The following PDE9A variants were observed in gnomAD, a reference collection of about 807,000 sequenced individuals.
PDE9A encodes high affinity cGMP-specific 3',5'-cyclic phosphodiesterase 9A.
A neutral mutation model predicts 87.4 loss-of-function variants in PDE9A; 60 were observed. The observed-to-expected ratio is 0.69, with a 90% CI of 0.56 to 0.85. PDE9A has a LOEUF of 0.85. Ranked by LOEUF, PDE9A falls within the 40% of genes least tolerant of loss-of-function variation. The pLI is 0.00. For missense variants in PDE9A, 665 were observed against 779.0 expected (o/e 0.85, Z 1.74); for synonymous variants, 272 against 279.4 (o/e 0.97, Z 0.27).
intron 15 of PDE9A, among the ~76,000 whole-genome samples, chr21:42,767,723 G>A (rs376568113): frequency 1.1e-4 from 16 of 152,296 alleles, no homozygotes; most frequent in African/African-American, 3.1e-4. Flanking sequence ...GCAGGGCCAC[G>A]GGACGCCAGC....
At chr21:42,711,204 T>G (rs1217082979) in intron 4 of PDE9A, among the ~76,000 whole-genome samples, 1 of 152,060 alleles carries the variant, frequency 6.6e-6, no homozygotes, top group Non-Finnish European at 1.5e-5. Flanking sequence ...CCATCCAATG[T>G]AACAAGTTTT....
chr21:42,726,624 A>ATATT lies in PDE9A; in HGVS notation c.263-5145_263-5144insATTT. 8.4e-3 allele frequency among the ~76,000 whole-genome samples: 167 copies of ATATT among 19,782 alleles called. 3 individuals carry two copies. Among genetic ancestry groups the ATATT allele is most frequent in the Middle Eastern group, 0.071 (2 of 28 alleles). The allele number at this position is 19,782 out of a possible 152,430, so 13.0% of individuals were successfully genotyped here. Reference sequence around the variant, plus strand: ...TATATATATATATATATATATATATATTTTTTTTTTTTTTTTTGTAGAGAT... The same window carrying ATATT: ...TATATATATATATATATATATATATATATTTTTTTTTTTTTTTTTTTGTAGAGAT... On this transcript the variant is annotated intron_variant, in intron 4 of 19. Transcript: ENST00000291539.
At chr21:42,664,907 G>A (rs2057859287) in intron 1 of PDE9A, among the ~76,000 whole-genome samples, 1 of 152,240 alleles carries the variant, frequency 6.6e-6, no homozygotes, top group African/African-American at 2.4e-5. Flanking sequence ...GAGTTGAATT[G>A]TGTCTCCCAA....
chr21:42,719,509 T>C (rs4920136), intron 4 of PDE9A, among the ~76,000 whole-genome samples: 103,319 of 150,628 alleles, frequency 0.69, 37,273 homozygotes, highest in East Asian at 0.94. Context: ...GGTGTGGTGG[T>C]GCATACCTGT....
intron 4 of PDE9A, among the ~76,000 whole-genome samples, chr21:42,707,577 C>G (rs2048945940): frequency 6.6e-6 from 1 of 152,136 alleles, no homozygotes; most frequent in African/African-American, 2.4e-5. Flanking sequence ...CTCAATCCCC[C>G]ACTCCCTCCC....
At chr21:42,681,067 C>A (rs1357231486) in intron 1 of PDE9A, among the ~76,000 whole-genome samples, 1 of 152,228 alleles carries the variant, frequency 6.6e-6, no homozygotes, top group African/African-American at 2.4e-5. Flanking sequence ...TTGTGTCAAA[C>A]CAGTAGTGTT....
intron 1 of PDE9A, among the ~76,000 whole-genome samples, chr21:42,654,967 G>A (rs2056938112): frequency 1.3e-5 from 2 of 151,542 alleles, no homozygotes; most frequent in Non-Finnish European, 2.9e-5. Context: ...GCTGGGCAGC[G>A]GCAGACGCAC....
intron 1 of PDE9A, among the ~76,000 whole-genome samples, chr21:42,670,671 A>G (rs2058495333): frequency 6.8e-6 from 1 of 147,130 alleles, no homozygotes. Flanking sequence ...ACACACATAC[A>G]CATGCATTCA....
intron 16 of PDE9A, chr21:42,768,513 A>C: frequency 7.7e-7 from 1 of 1,304,948 alleles, no homozygotes; most frequent in Non-Finnish European, 9.8e-7. Flanking sequence ...TAATACTCTA[A>C]AACTGTCACC....
At chr21:42,670,028 C>T (rs1462579808) in intron 1 of PDE9A, among the ~76,000 whole-genome samples, 2 of 151,844 alleles carry the variant, frequency 1.3e-5, no homozygotes, top group Non-Finnish European at 2.9e-5. Context: ...AAGGAAAGCA[C>T]CATGTTTCAC....
intron 8 of PDE9A, among the ~76,000 whole-genome samples, 155 bp downstream of exon 8, chr21:42,744,015 T>C (rs1602412029): frequency 6.6e-6 from 1 of 152,204 alleles, no homozygotes; most frequent in South Asian, 2.1e-4. Flanking sequence ...GCAGCCACCC[T>C]GCTTGCGACC....
In PDE9A at chr21:42,760,892, C is replaced by A; in HGVS notation, c.1070C>A (p.Pro357His). The change falls in exon 13 of 20, where the codon CCC becomes CAC. Residue 357 changes from proline (P) to histidine (H), a missense_variant. Transcript: ENST00000291539. The surrounding 1 kb of genome is among the most constrained non-coding windows in gnomAD (Gnocchi z 5.2). ...GCCATCTGCCACGATCTGGACCATC[C>A]CGGCTACAACAACACGTATGTACAG... is the stretch of plus-strand genomic sequence containing the variant. ...TAAICHDLDH[P>H]GYNNTYQINA... is the part of the protein sequence containing the mutation. The A allele has an allele frequency of 1.2e-6, 2 of 1,608,880 alleles. No homozygotes were observed. Among genetic ancestry groups the A allele is most frequent in the Non-Finnish European group, 1.7e-6 (2 of 1,175,164 alleles).
intron 14 of PDE9A, among the ~76,000 whole-genome samples, chr21:42,764,113 G>A (rs2056111063): frequency 6.6e-6 from 1 of 152,244 alleles, no homozygotes; most frequent in South Asian, 2.1e-4. Context: ...GAGAACAGAT[G>A]GGTGTGCATG....
At position 42,751,196 on chromosome 21, in the gene PDE9A, AG is replaced by A; in HGVS notation, c.735+1del. 1 of 1,602,226 alleles carries A rather than the reference AG, an allele frequency of 6.2e-7. No homozygotes were observed. The highest frequency in any genetic ancestry group is 8.6e-7 in the Non-Finnish European group (1 of 1,169,354). On this transcript the variant is annotated frameshift_variant and splice_region_variant, in exon 9 of 20. Coordinates refer to ENST00000291539, the MANE Select transcript of PDE9A (RefSeq NM_002606.3). LOFTEE classifies it high-confidence loss of function. ...TPRRDVPTYP[K>X]YLLSPETIEA... The stretch of plus-strand genomic sequence containing the variant: ...CGACGCGATGTTCCCACTTACCCCA[AG>A]GTAAGATGAGATTCCGGCCCAGAAG...
chr21:42,720,607 G>C (rs542384126), intron 4 of PDE9A, among the ~76,000 whole-genome samples: 5 of 152,184 alleles, frequency 3.3e-5, no homozygotes, highest in African/African-American at 1.2e-4. Flanking sequence ...GCTCTGTCCC[G>C]TCTTTGCAGC....
At chr21:42,743,267 T>C (rs1483518058) in intron 7 of PDE9A, among the ~76,000 whole-genome samples, 1 of 152,246 alleles carries the variant, frequency 6.6e-6, no homozygotes, top group Non-Finnish European at 1.5e-5. Flanking sequence ...GTCAACACTT[T>C]CTCCTGGTGA....
intron 3 of PDE9A, 27 bp from the exon 4 acceptor site, chr21:42,698,941 A>T: frequency 6.3e-7 from 1 of 1,598,004 alleles, no homozygotes; most frequent in Non-Finnish European, 8.6e-7. Context: ...GCAGAGTCTC[A>T]CAGCGGCACT....
intron 8 of PDE9A, among the ~76,000 whole-genome samples, 196 bp from the exon 9 acceptor site, chr21:42,750,920 T>C (rs1402482402): frequency 6.6e-6 from 1 of 152,084 alleles, no homozygotes; most frequent in Non-Finnish European, 1.5e-5. Context: ...TCCAAGAGTC[T>C]AGTGTGAGGT....
intron 1 of PDE9A, among the ~76,000 whole-genome samples, chr21:42,670,270 T>G (rs114209292): frequency 1.5e-5 from 1 of 68,286 alleles, no homozygotes; most frequent in South Asian, 3.7e-4. Flanking sequence ...CACACACATA[T>G]TCACACATTC....
Sources: allele counts gnomAD v4.1 joint callset (sites outside exome capture counted in the v4.1 genomes callset), GRCh38; gene constraint gnomAD v4.1.1; non-coding constraint Gnocchi (gnomAD v3.1); transcripts MANE v1.5; gene names NCBI Gene and HGNC (gene_info 2026-07-23, HGNC 2026-07-21).